DAB1: variants seen among roughly 807,000 people sequenced by gnomAD.
DAB1 encodes the protein disabled homolog 1.
Under a neutral mutation model 64.6 loss-of-function variants are expected in DAB1, and 15 were observed. The ratio of observed to expected loss-of-function variants is 0.23; its 90% CI spans 0.16 to 0.36. The LOEUF is 0.36. DAB1 is among the 10% of genes least tolerant of loss of function. DAB1 has a pLI of 1.00. For missense variants in DAB1, 596 were observed against 706.7 expected, an observed-to-expected ratio of 0.84 and a Z score of 1.78; for synonymous variants, 235 against 251.9, an observed-to-expected ratio of 0.93 and a Z score of 0.64.
At chr1:57,666,860 G>A (rs1401469931) in intron 6 of DAB1, among the ~76,000 whole-genome samples, 1 of 150,000 alleles carries the variant, frequency 6.7e-6, no homozygotes, top group African/African-American at 2.4e-5. Flanking sequence ...GAGGGAGAGG[G>A]AGAGGGAGAG....
chr1:57,029,563 AT>A (rs35414233), intron 9 of DAB1, among the ~76,000 whole-genome samples: 72,194 of 151,874 alleles, frequency 0.48, 17,544 homozygotes, highest in African/African-American at 0.58. Context: ...ATGCCTGCCC[AT>A]TGAAAGCAGC....
chr1:57,975,723 A>G (rs12405711), intron 5 of DAB1, among the ~76,000 whole-genome samples: 54,750 of 152,068 alleles, frequency 0.36, 11,152 homozygotes, highest in Admixed American at 0.47. Context: ...ATCCGATGAA[A>G]TGTATTATAA....
chr1:57,370,626 A>C (rs1309326729), intron 1 of DAB1, among the ~76,000 whole-genome samples: 5 of 152,216 alleles, frequency 3.3e-5, no homozygotes, highest in Non-Finnish European at 5.9e-5. Context: ...AAAAAAAAAA[A>C]AACGTGTAAC....
chr1:57,110,501 C>G (rs1300484271), intron 4 of DAB1, among the ~76,000 whole-genome samples: 2 of 152,208 alleles, frequency 1.3e-5, no homozygotes, highest in Non-Finnish European at 2.9e-5. Flanking sequence ...TTCCTTTCAG[C>G]TCTGAAATTC....
At chr1:57,513,229 C>A (rs1644425593) in intron 7 of DAB1, among the ~76,000 whole-genome samples, 1 of 152,084 alleles carries the variant, frequency 6.6e-6, no homozygotes, top group Non-Finnish European at 1.5e-5. Context: ...CTCAATCCCC[C>A]AGCAGCCTCT....
chr1:58,502,622 TGTA>T (rs909642594), intron 3 of DAB1, among the ~76,000 whole-genome samples: 6 of 152,200 alleles, frequency 3.9e-5, no homozygotes, highest in Admixed American at 3.3e-4. Context: ...AATTTCAAAA[TGTA>T]GTAGTAGTAT....
At chr1:57,894,734 G>C (rs1644368721) in intron 5 of DAB1, among the ~76,000 whole-genome samples, 1 of 152,160 alleles carries the variant, frequency 6.6e-6, no homozygotes, top group African/African-American at 2.4e-5. Context: ...AGAAAGGTTT[G>C]TAAGGGGCAA....
chr1:57,636,014 G>A (rs934350936), intron 7 of DAB1, among the ~76,000 whole-genome samples: 2 of 144,028 alleles, frequency 1.4e-5, no homozygotes, highest in Non-Finnish European at 3.0e-5. Context: ...GGAGAATGGC[G>A]TGAACCTGGG....
At position 57,023,571 on chromosome 1, in the gene DAB1, C is replaced by G; in HGVS notation, c.855G>C (p.Val285=). ...SSQTLPASAD[V]FSSVPFGTAA... Reference sequence around the variant, plus strand: ...CAGTGCCGAAAGGTACAGAACTAAACACATCTGCACTCGCTGGAAGGGTCT... The same window carrying G: ...CAGTGCCGAAAGGTACAGAACTAAAGACATCTGCACTCGCTGGAAGGGTCT... The change falls in exon 11 of 15, where the codon GTG becomes GTC. Residue 285 remains valine (V), a synonymous_variant. Transcript: ENST00000371236. The G allele has an allele frequency of 6.2e-7, 1 of 1,611,744 alleles. No homozygotes were observed. Among genetic ancestry groups the G allele is most frequent in the South Asian group, 1.1e-5 (1 of 90,010 alleles).
intron 3 of DAB1, among the ~76,000 whole-genome samples, chr1:58,391,926 C>A (rs849492): frequency 0.28 from 42,607 of 152,122 alleles, 7,658 homozygotes; most frequent in African/African-American, 0.52. Context: ...GTAAGCACCC[C>A]AACAGGGAGA....
intron 5 of DAB1, among the ~76,000 whole-genome samples, chr1:58,070,827 C>T (rs896313940): frequency 3.3e-5 from 5 of 152,108 alleles, no homozygotes; most frequent in Non-Finnish European, 7.4e-5. Context: ...CCTGTGTGAC[C>T]GGATGAATGG....
chr1:58,513,155 C>T (rs193288182), intron 2 of DAB1, among the ~76,000 whole-genome samples: 163 of 152,194 alleles, frequency 1.1e-3, no homozygotes, highest in African/African-American at 3.9e-3. Flanking sequence ...AGCAGTTCCC[C>T]CATGCTGTTC....
rs369127454 is a variant in DAB1 at position 58,289,479 on chromosome 1, CA to C, written n.309+53872del. 5.3e-3 allele frequency among the ~76,000 whole-genome samples: 800 copies of C among 152,246 alleles called. 8 individuals carry two copies. Among genetic ancestry groups the C allele is most frequent in the African/African-American group, 0.018 (763 of 41,534 alleles). On this transcript the variant is annotated intron_variant and non_coding_transcript_variant, in intron 4 of 20. Transcript: ENST00000485760. The stretch of plus-strand genomic sequence containing the variant: ...ATTTTTAGTGATGTCACTGAGAGTT[CA>C]ATAACACATGATTTTAAAGTTTGAG...
chr1:57,333,447 T>C (rs1478125285), intron 1 of DAB1, among the ~76,000 whole-genome samples: 1 of 152,264 alleles, frequency 6.6e-6, no homozygotes, highest in East Asian at 1.9e-4. Flanking sequence ...ATATAAAGGA[T>C]GTAGCCCCAT....
At chr1:58,200,643 G>A (rs1183587843) in intron 4 of DAB1, among the ~76,000 whole-genome samples, 1 of 152,168 alleles carries the variant, frequency 6.6e-6, no homozygotes, top group Non-Finnish European at 1.5e-5. Context: ...GCTGACTGCA[G>A]CACTAAAAAC....
rs138818997 is a variant in DAB1, at chr1:57,496,629, A to C, written n.625+152963T>G. ...GGAAAAGAAGCTTGCACAAAATCACAGTTGCATACTAGGACCTTTAACCCA... is the reference window on the plus strand; with the variant it reads ...GGAAAAGAAGCTTGCACAAAATCACCGTTGCATACTAGGACCTTTAACCCA... On this transcript the variant is annotated intron_variant and non_coding_transcript_variant, in intron 7 of 20. Coordinates refer to the DAB1 transcript ENST00000485760. Among the ~76,000 whole-genome samples the C allele has an allele frequency of 6.7e-3, 1,016 of 152,332 alleles. 7 individuals are homozygous for C. The highest frequency in any genetic ancestry group is 0.024 in the African/African-American group (979 of 41,578).
intron 5 of DAB1, among the ~76,000 whole-genome samples, chr1:58,010,525 A>C (rs760221082): frequency 2.2e-4 from 34 of 152,186 alleles, no homozygotes; most frequent in Non-Finnish European, 4.6e-4. Context: ...GCATCAAAAA[A>C]ATCTAGCGCA....
intron 5 of DAB1, among the ~76,000 whole-genome samples, chr1:58,131,371 CAA>C (rs1357980767): frequency 1.4e-5 from 2 of 142,224 alleles, no homozygotes; most frequent in Non-Finnish European, 3.1e-5. Flanking sequence ...AAATTTTTTT[CAA>C]AGTTTTCAAC....
intron 5 of DAB1, among the ~76,000 whole-genome samples, chr1:58,142,699 T>C (rs1366429074): frequency 6.6e-6 from 1 of 152,252 alleles, no homozygotes; most frequent in African/African-American, 2.4e-5. Flanking sequence ...AGAAACTTCT[T>C]TTTGCAGCTT....
Sources: gnomAD v4.1 joint callset for allele counts (sites outside exome capture counted in the v4.1 genomes callset) on GRCh38, gnomAD v4.1.1 for gene constraint, MANE v1.5 for transcripts, NCBI Gene and HGNC (gene_info 2026-07-23, HGNC 2026-07-21) for gene names.